TOPBP1: variants seen among roughly 807,000 people sequenced by gnomAD.
The protein encoded by TOPBP1 is DNA topoisomerase II binding protein 1, also known as DNA topoisomerase 2-binding protein 1.
Under a neutral mutation model 167.7 loss-of-function variants are expected in TOPBP1, and 28 were observed. The observed-to-expected ratio is 0.17, with a 90% CI of 0.12 to 0.23. The LOEUF (loss-of-function observed/expected upper bound fraction) is 0.23. Ranked by LOEUF, TOPBP1 falls within the 10% of genes least tolerant of loss-of-function variation. The pLI, the probability that TOPBP1 is intolerant of heterozygous loss-of-function variation, is 1.00. For missense variants in TOPBP1, 1,554 were observed against 1,809.6 expected, an observed-to-expected ratio of 0.86 and a Z score of 2.56; for synonymous variants, 598 against 611.4, an observed-to-expected ratio of 0.98 and a Z score of 0.32.
chr3:133,640,274 TA>T (rs908470025), intron 12 of TOPBP1, 104 bp from the exon 13 acceptor site: 1,169 of 912,702 alleles, frequency 1.3e-3, no homozygotes, highest in Middle Eastern at 1.6e-3. Context: ...CATGTAAGTA[TA>T]AAAAAAAATA....
Position 133,622,185 on chromosome 3 carries a change from G to GGT in TOPBP1, c.3178+905_3178+906insAC, listed in dbSNP as rs765836012. ...GCATGTATAGTAGTCCACCATTTAT[G>GGT]TTTTTTTTTTTTTTTTTTTTTGAGA... On this transcript the variant is annotated intron_variant, in intron 19 of 27. Coordinates refer to ENST00000260810, the MANE Select transcript of TOPBP1 (RefSeq NM_007027.4). Among the ~76,000 whole-genome samples, 11 of 106,438 alleles carry GGT rather than the reference G, an allele frequency of 1.0e-4. No homozygotes were observed. In the East Asian group the frequency reaches 1.6e-3, roughly 15 times the overall value. The allele number at this position is 106,438 out of a possible 152,430, so 69.8% of individuals were successfully genotyped here.
Position 133,634,999 on chromosome 3 carries a change from G to C in TOPBP1, c.2520+2877C>G, listed in dbSNP as rs545300988. Among the ~76,000 whole-genome samples, 7 of 152,186 alleles carry C rather than the reference G, an allele frequency of 4.6e-5. No homozygotes were observed. In the South Asian group the frequency reaches 1.5e-3, roughly 32 times the overall value. On this transcript the variant is annotated intron_variant, in intron 14 of 27. Transcript: ENST00000260810. ...AATGAAAAATAGAAGAGAGAAAAGG[G>C]GGAAAGAGAATAAGATCTTCTATAC...
At chr3:133,601,484 C>T in intron 27 of TOPBP1, 91 bp from the exon 28 acceptor site, 1 of 1,047,402 alleles carries the variant, frequency 9.5e-7, no homozygotes, top group Non-Finnish European at 1.3e-6. Context: ...TCAGACCTCT[C>T]AGGGATGAAT....
intron 2 of TOPBP1, among the ~76,000 whole-genome samples, chr3:133,659,500 T>C (rs1383250891): frequency 6.6e-6 from 1 of 152,186 alleles, no homozygotes; most frequent in Non-Finnish European, 1.5e-5. Flanking sequence ...TACCTCCTAC[T>C]TCTCATCTCT....
At position 133,628,626 on chromosome 3, in the gene TOPBP1, T is replaced by C. The variant is rs1455347557; in HGVS notation, c.2628A>G (p.Ala876=). Residue 876 remains alanine, a synonymous_variant, in exon 15 of 28, where the codon GCA becomes GCG. Transcript: ENST00000260810. ...GAGCGACAGCATTTCGAGAGCTATT[T>C]GCCAAAGCAAGTTGCAAGTTTTTGA... ...VIVKNLQLAL[A]NSSRNAVALS... is the part of the protein sequence containing the mutation. 1.2e-6 allele frequency: 2 copies of C among 1,606,402 alleles called. No homozygotes were observed. The highest frequency in any genetic ancestry group is 1.7e-6 in the Non-Finnish European group (2 of 1,176,284).
chr3:133,651,945 G>A (rs1159017530), intron 8 of TOPBP1, among the ~76,000 whole-genome samples: 1 of 152,040 alleles, frequency 6.6e-6, no homozygotes, highest in Non-Finnish European at 1.5e-5. Context: ...CCAAACCTGG[G>A]CAACATAGTG....
chr3:133,603,461 T>A (rs2107764637), intron 27 of TOPBP1, among the ~76,000 whole-genome samples: 1 of 152,282 alleles, frequency 6.6e-6, no homozygotes, highest in South Asian at 2.1e-4. Context: ...AACTATATCC[T>A]ATCTACAAGA....
intron 24 of TOPBP1, among the ~76,000 whole-genome samples, chr3:133,611,603 T>G (rs957469685): frequency 1.3e-5 from 2 of 152,204 alleles, no homozygotes; most frequent in African/African-American, 4.8e-5. Context: ...ACACTAACAT[T>G]CAAATTAAAT....
At chr3:133,614,797 G>C (rs1934805310) in intron 23 of TOPBP1, among the ~76,000 whole-genome samples, 1 of 140,240 alleles carries the variant, frequency 7.1e-6, no homozygotes. Context: ...TTTCTAAGAA[G>C]AAACAGTTTT....
At position 133,659,757 on chromosome 3, in the gene TOPBP1, C is replaced by T. The variant is rs973829535; in HGVS notation, c.85-607G>A. 3.0e-4 allele frequency among the ~76,000 whole-genome samples: 45 copies of T among 149,720 alleles called. 1 individual carries two copies. Among genetic ancestry groups the T allele is most frequent in the African/African-American group, 6.7e-4 (27 of 40,234 alleles). On this transcript the variant is annotated intron_variant, in intron 2 of 27. Coordinates refer to ENST00000260810, the MANE Select transcript of TOPBP1 (RefSeq NM_007027.4). The stretch of plus-strand genomic sequence containing the variant: ...TTCTAGTCTATTCTATTTAAAAATA[C>T]GTATTTATATATATATATATAGTTT...
chr3:133,660,889 C>T (rs1456937404), intron 2 of TOPBP1, among the ~76,000 whole-genome samples, 155 bp downstream of exon 2: 1 of 151,958 alleles, frequency 6.6e-6, no homozygotes, highest in Non-Finnish European at 1.5e-5. Flanking sequence ...TAGATCAATT[C>T]AAAAATATGT....
intron 10 of TOPBP1, among the ~76,000 whole-genome samples, chr3:133,647,250 A>G (rs1264730478): frequency 6.6e-6 from 1 of 152,232 alleles, no homozygotes; most frequent in African/African-American, 2.4e-5. Flanking sequence ...CTGGTCCTCA[A>G]AGTAGGTTTG....
At chr3:133,612,589 C>A in intron 23 of TOPBP1, 37 bp from the exon 24 acceptor site, 2 of 1,538,014 alleles carry the variant, frequency 1.3e-6, no homozygotes, top group South Asian at 1.2e-5. Flanking sequence ...TTTATTGATT[C>A]CCAACTTCTT....
chr3:133,626,498 G>A (rs554178324), intron 16 of TOPBP1, among the ~76,000 whole-genome samples: 4 of 152,248 alleles, frequency 2.6e-5, no homozygotes, highest in African/African-American at 9.6e-5. Flanking sequence ...TTTATAATTA[G>A]TTGAGTCTAG....
intron 11 of TOPBP1, among the ~76,000 whole-genome samples, chr3:133,643,780 G>A (rs1576306957): frequency 1.3e-5 from 2 of 152,148 alleles, no homozygotes; most frequent in East Asian, 1.9e-4. Flanking sequence ...ACCCTAGAGT[G>A]ACCTCCTAAG....
intron 6 of TOPBP1, among the ~76,000 whole-genome samples, 200 bp from the exon 7 acceptor site, chr3:133,653,724 T>G (rs1460055993): frequency 6.6e-6 from 1 of 151,742 alleles, no homozygotes; most frequent in Non-Finnish European, 1.5e-5. Flanking sequence ...ACCTCCCTCC[T>G]GATCAAGCGA....
At chr3:133,617,363 A>C (rs751308599) in intron 21 of TOPBP1, 37 bp from the exon 22 acceptor site, 1 of 1,517,160 alleles carries the variant, frequency 6.6e-7, no homozygotes, top group East Asian at 2.3e-5. Flanking sequence ...GACAGGATCC[A>C]AATAAGACTA....
rs747051271 is a variant in TOPBP1, at chr3:133,652,609, T to C, written c.943A>G (p.Ser315Gly). Reference sequence around the variant, plus strand: ...CTTGCATTTATGTTGGAAATATTGCTGACATCTGAAAGAGTACGACCTACA... The same window carrying C: ...CTTGCATTTATGTTGGAAATATTGCCGACATCTGAAAGAGTACGACCTACA... ...TIDSRTLSDV[S>G]NISNINASCV... is the part of the protein sequence containing the mutation. Residue 315 changes from serine to glycine, a missense_variant, in exon 8 of 28, where the codon AGC becomes GGC. Physicochemically the swap from Ser to Gly is moderately conservative, Grantham distance 56. Transcript: ENST00000260810. 2.5e-6 allele frequency: 4 copies of C among 1,610,140 alleles called. No homozygotes were observed. Among genetic ancestry groups the C allele is most frequent in the Non-Finnish European group, 3.4e-6 (4 of 1,179,284 alleles).
intron 14 of TOPBP1, among the ~76,000 whole-genome samples, chr3:133,636,026 C>T (rs1380546842): frequency 6.6e-6 from 1 of 151,368 alleles, no homozygotes; most frequent in East Asian, 1.9e-4. Flanking sequence ...CAAAAGAATA[C>T]ATACTATGAT....
Sources: allele counts gnomAD v4.1 joint callset (sites outside exome capture counted in the v4.1 genomes callset), GRCh38; gene constraint gnomAD v4.1.1; transcripts MANE v1.5; gene names NCBI Gene and HGNC (gene_info 2026-07-23, HGNC 2026-07-21).